NFIA: variants seen among roughly 807,000 people sequenced by gnomAD.
The protein encoded by NFIA is nuclear factor 1 A-type.
In NFIA, 8 loss-of-function variants were observed where a neutral mutation model predicts 62.8. The ratio of observed to expected loss-of-function variants is 0.13; its 90% CI spans 0.07 to 0.23. The LOEUF is 0.23. Ranked by LOEUF, NFIA falls within the 10% of genes least tolerant of loss-of-function variation. The pLI, the probability that NFIA is intolerant of heterozygous loss-of-function variation, is 1.00. For missense variants in NFIA, 410 were observed against 642.1 expected, an observed-to-expected ratio of 0.64 and a Z score of 3.91; for synonymous variants, 235 against 238.1, an observed-to-expected ratio of 0.99 and a Z score of 0.12.
chr1:61,236,205 T>C (rs1655003882), intron 2 of NFIA, among the ~76,000 whole-genome samples: 1 of 151,246 alleles, frequency 6.6e-6, no homozygotes, highest in South Asian at 2.1e-4. Context: ...AGCCAATTTC[T>C]CTAGGTCAGT....
chr1:61,333,117 C>G (rs1661399120), intron 4 of NFIA, among the ~76,000 whole-genome samples: 1 of 151,538 alleles, frequency 6.6e-6, no homozygotes, highest in South Asian at 2.1e-4. Context: ...CCTTAGGAAT[C>G]TGTTTTTTCT....
intron 6 of NFIA, among the ~76,000 whole-genome samples, chr1:61,373,577 C>T (rs1030753327): frequency 4.6e-5 from 7 of 152,068 alleles, no homozygotes; most frequent in Non-Finnish European, 7.4e-5. Flanking sequence ...AGCTCTAGCT[C>T]TCTATCATGT....
chr1:61,396,026 C>T (rs966112297), intron 7 of NFIA, among the ~76,000 whole-genome samples: 10 of 152,094 alleles, frequency 6.6e-5, no homozygotes, highest in African/African-American at 2.2e-4. Flanking sequence ...TCTATACATC[C>T]ACTAGAGCTT....
intron 10 of NFIA, among the ~76,000 whole-genome samples, chr1:61,450,765 C>T (rs1439773715): frequency 3.3e-5 from 5 of 152,122 alleles, no homozygotes; most frequent in African/African-American, 1.2e-4. Context: ...ATCTGAAAAA[C>T]AGATTCTGCT....
chr1:61,082,353 GC>G (rs1298031022), upstream of NFIA: 6 of 370,598 alleles, frequency 1.6e-5, no homozygotes, highest in African/African-American at 4.5e-5. Flanking sequence ...CGCCGCAGCC[GC>G]CCCCTCCCCC....
intron 2 of NFIA, among the ~76,000 whole-genome samples, chr1:61,151,064 T>C (rs1476751362): frequency 6.6e-6 from 1 of 152,222 alleles, no homozygotes; most frequent in Non-Finnish European, 1.5e-5. Flanking sequence ...CATGTTTCTT[T>C]TAGGCTAACG....
At chr1:61,452,330 A>T (rs1668094535) in intron 10 of NFIA, among the ~76,000 whole-genome samples, 1 of 152,100 alleles carries the variant, frequency 6.6e-6, no homozygotes, top group South Asian at 2.1e-4. Flanking sequence ...AGAGACTTCA[A>T]AAAAGAAAAA....
chr1:61,271,189 A>G (rs1204235275), intron 2 of NFIA, among the ~76,000 whole-genome samples: 2 of 152,206 alleles, frequency 1.3e-5, no homozygotes, highest in African/African-American at 4.8e-5. Flanking sequence ...ACACAACAAT[A>G]GTTATGCCAT....
intron 2 of NFIA, among the ~76,000 whole-genome samples, chr1:61,181,671 A>G (rs540458153): frequency 1.3e-5 from 2 of 152,350 alleles, no homozygotes; most frequent in East Asian, 3.9e-4. Context: ...GAACTGATGT[A>G]TCATAGCACT....
intron 5 of NFIA, among the ~76,000 whole-genome samples, chr1:61,353,089 C>T (rs1448193091): frequency 6.6e-6 from 1 of 151,982 alleles, no homozygotes; most frequent in African/African-American, 2.4e-5. Context: ...GTGTCATGCC[C>T]ACAGCAGACA....
intron 3 of NFIA, among the ~76,000 whole-genome samples, chr1:61,318,961 C>A (rs958591824): frequency 3.9e-5 from 6 of 152,028 alleles, no homozygotes; most frequent in African/African-American, 1.4e-4. Flanking sequence ...TATGGTAAAA[C>A]CAAAACAACG....
intron 2 of NFIA, among the ~76,000 whole-genome samples, chr1:61,147,155 CT>C (rs34810765): frequency 0.022 from 3,251 of 144,854 alleles, 56 homozygotes; most frequent in East Asian, 0.094. Context: ...TTCTTTAAAT[CT>C]TTTTTTTTTT....
intron 2 of NFIA, among the ~76,000 whole-genome samples, chr1:61,089,175 A>C (rs1476191225): frequency 1.3e-5 from 2 of 152,210 alleles, no homozygotes; most frequent in Admixed American, 6.5e-5. Context: ...GGAAGGAAAA[A>C]TAATCACATT....
At chr1:61,259,279 C>A (rs762493168) in intron 2 of NFIA, among the ~76,000 whole-genome samples, 38 of 152,168 alleles carry the variant, frequency 2.5e-4, no homozygotes, top group Non-Finnish European at 5.3e-4. Flanking sequence ...GACTTTGTTT[C>A]TGCTAGGAGA....
At chr1:61,425,324 A>C (rs1666817259) in intron 9 of NFIA, among the ~76,000 whole-genome samples, 1 of 152,204 alleles carries the variant, frequency 6.6e-6, no homozygotes, top group East Asian at 1.9e-4. Flanking sequence ...GATGTCAATA[A>C]GGAAAAAAAA....
chr1:61,080,395 G>A (rs991809741), upstream of NFIA, among the ~76,000 whole-genome samples: 8 of 151,966 alleles, frequency 5.3e-5, no homozygotes, highest in Non-Finnish European at 8.8e-5. Flanking sequence ...CAGATGTGAA[G>A]TGTATCTTTT....
Position 61,406,543 on chromosome 1 carries a change from G to GGGGGGGGGGGGCC in NFIA, c.1255-19_1255-18insGGGGGGGGGGGCC. 1 of 876,654 alleles carries GGGGGGGGGGGGCC rather than the reference G, an allele frequency of 1.1e-6. No individual in the cohort carries two copies. Among genetic ancestry groups the GGGGGGGGGGGGCC allele is most frequent in the Non-Finnish European group, 1.5e-6 (1 of 653,744 alleles). The allele number at this position is 876,654 out of a possible 1,614,324, so 54.3% of individuals were successfully genotyped here. A position where few individuals can be genotyped will look rare whatever the true frequency, so the allele number is the denominator to read the frequency against. ...TCTTTTTCTTGTACGTGTGTTTTCT[G>GGGGGGGGGGGGCC]CCCCCCCCCCCCCCACAGCCCAATG... On this transcript the variant is annotated intron_variant, in intron 8 of 10. Coordinates refer to ENST00000403491, the MANE Select transcript of NFIA (RefSeq NM_001134673.4).
chr1:61,347,212 C>T (rs1024197251), intron 4 of NFIA, among the ~76,000 whole-genome samples: 13 of 124,622 alleles, frequency 1.0e-4, no homozygotes, highest in African/African-American at 2.1e-4. Context: ...CTTGCTCTGT[C>T]GCCCAGGCTA....
At chr1:61,110,229 A>G (rs1646672180) in intron 2 of NFIA, among the ~76,000 whole-genome samples, 1 of 151,456 alleles carries the variant, frequency 6.6e-6, no homozygotes, top group South Asian at 2.1e-4. Context: ...TTTCCAAACC[A>G]TAGCACACAT....
Sources: allele counts gnomAD v4.1 joint callset (sites outside exome capture counted in the v4.1 genomes callset), GRCh38; gene constraint gnomAD v4.1.1; transcripts MANE v1.5; gene names NCBI Gene and HGNC (gene_info 2026-07-23, HGNC 2026-07-21).